Variants in GPR15LG observed in about 807,000 individuals in gnomAD.
GPR15LG encodes G protein-coupled receptor 15 ligand, also known as protein GPR15LG.
chr10:84,179,552 C>A, the GPR15LG span, among the ~76,000 whole-genome samples: 1 of 152,180 alleles, frequency 6.6e-6, no homozygotes, highest in Non-Finnish European at 1.5e-5. Context: ...GAAATCTGGC[C>A]TCGTGTGCTC....
chr10:84,176,344 C>G, the GPR15LG span: 4 of 714,708 alleles, frequency 5.6e-6, 1 homozygote, highest in South Asian at 6.0e-5. Context: ...CCACTCTTTC[C>G]CTAGGACCTC....
the GPR15LG span, among the ~76,000 whole-genome samples, chr10:84,178,332 A>G: frequency 6.6e-6 from 1 of 151,270 alleles, no homozygotes; most frequent in Non-Finnish European, 1.5e-5. Context: ...ACTACACACA[A>G]TCATACACAC....
chr10:84,183,790 C>T, the GPR15LG span, among the ~76,000 whole-genome samples: 2 of 152,098 alleles, frequency 1.3e-5, no homozygotes, highest in East Asian at 1.9e-4. Context: ...GGACCACAGG[C>T]GTGCGCCACC....
the GPR15LG span, chr10:84,185,044 C>G: frequency 2.4e-6 from 3 of 1,260,102 alleles, no homozygotes; most frequent in African/African-American, 4.7e-5. Flanking sequence ...AGCATTCCAC[C>G]ATGACCGGTC....
the GPR15LG span, chr10:84,185,140 C>T: frequency 4.9e-6 from 5 of 1,025,406 alleles, no homozygotes; most frequent in Non-Finnish European, 4.8e-6. Context: ...TGCAGAGTCT[C>T]CTCCATCTTC....
At chr10:84,179,199 C>G in the GPR15LG span, among the ~76,000 whole-genome samples, 4 of 152,256 alleles carry the variant, frequency 2.6e-5, no homozygotes, top group Non-Finnish European at 4.4e-5. Flanking sequence ...CAGTCTCCCC[C>G]TCTGTGAAGA....
chr10:84,177,011 C>G, the GPR15LG span, among the ~76,000 whole-genome samples: 2 of 152,192 alleles, frequency 1.3e-5, no homozygotes, highest in Non-Finnish European at 2.9e-5. Flanking sequence ...AGGACCAAAG[C>G]TGCCTGTGAA....
the GPR15LG span, chr10:84,185,195 T>C: frequency 1.9e-6 from 1 of 514,952 alleles, no homozygotes; most frequent in Non-Finnish European, 2.6e-6. Context: ...CATCCAGTGG[T>C]CCCCAAGGAA....
At chr10:84,184,842 C>G in the GPR15LG span, 1 of 1,588,654 alleles carries the variant, frequency 6.3e-7, no homozygotes, top group Admixed American at 1.8e-5. Flanking sequence ...CTCCTGTCTC[C>G]CCTTTCAGCC....
chr10:84,179,027 T>C, the GPR15LG span, among the ~76,000 whole-genome samples: 1 of 152,228 alleles, frequency 6.6e-6, no homozygotes, highest in Non-Finnish European at 1.5e-5. Context: ...AACAAACTGC[T>C]TCCCCTGTGG....
chr10:84,175,576 C>T, the GPR15LG span, among the ~76,000 whole-genome samples: 1 of 152,250 alleles, frequency 6.6e-6, no homozygotes, highest in Non-Finnish European at 1.5e-5. Flanking sequence ...ATGACCACGG[C>T]TCAGTGCAGG....
At chr10:84,174,494 CT>C in the GPR15LG span, among the ~76,000 whole-genome samples, 853 of 98,730 alleles carry the variant, frequency 8.6e-3, 6 homozygotes, top group African/African-American at 0.028. Flanking sequence ...TTTCTTTTTT[CT>C]TTTTTTTTTT....
At chr10:84,176,380 C>G in the GPR15LG span, 1 of 855,262 alleles carries the variant, frequency 1.2e-6, no homozygotes, top group Non-Finnish European at 2.0e-6. Flanking sequence ...TCCTGAGTTT[C>G]TCTGGATAAA....
chr10:84,181,852 C>A, the GPR15LG span, among the ~76,000 whole-genome samples: 5 of 152,284 alleles, frequency 3.3e-5, no homozygotes, highest in East Asian at 9.7e-4. Context: ...CTGTGAAGGC[C>A]CCACCAGCCA....
the GPR15LG span, chr10:84,176,670 G>A: frequency 1.3e-6 from 1 of 768,790 alleles, no homozygotes; most frequent in South Asian, 1.7e-5. Flanking sequence ...GCTGGCATCA[G>A]GCTCTGGCTG....
the GPR15LG span, among the ~76,000 whole-genome samples, chr10:84,180,293 C>G: frequency 2.0e-5 from 3 of 152,268 alleles, no homozygotes; most frequent in African/African-American, 7.2e-5. Flanking sequence ...TACACAGACA[C>G]AATAACAATC....
At chr10:84,185,284 A>G in the GPR15LG span, 2,188 of 168,428 alleles carry the variant, frequency 0.013, 47 homozygotes, top group African/African-American at 0.049. Flanking sequence ...AATAAACTCA[A>G]TGCAGACACA....
chr10:84,175,928 G>T, the GPR15LG span, among the ~76,000 whole-genome samples: 4 of 150,230 alleles, frequency 2.7e-5, no homozygotes, highest in Non-Finnish European at 5.9e-5. Context: ...TGCTCTTGTT[G>T]TCCAGGCTGG....
chr10:84,180,507 G>A, the GPR15LG span, among the ~76,000 whole-genome samples: 35,433 of 151,118 alleles, frequency 0.23, 4,490 homozygotes, highest in African/African-American at 0.35. Flanking sequence ...GGGCAGAGGC[G>A]CTCCCCACAT....
Sources: allele counts gnomAD v4.1 joint callset (sites outside exome capture counted in the v4.1 genomes callset), GRCh38; gene constraint gnomAD v4.1.1; transcripts MANE v1.5; gene names NCBI Gene and HGNC (gene_info 2026-07-23, HGNC 2026-07-21).